TTK: variants seen among roughly 807,000 people sequenced by gnomAD.
TTK encodes TTK protein kinase, also known as dual specificity protein kinase TTK.
TTK carries 59 observed loss-of-function variants against 117.3 expected under a neutral mutation model. That is an observed-to-expected ratio of 0.50 (90% confidence interval 0.41 to 0.62). The LOEUF (loss-of-function observed/expected upper bound fraction) is 0.62. Among genes scored for constraint, TTK ranks in the 20% least tolerant of loss-of-function variants. The probability of loss-of-function intolerance (pLI) is 0.00; values close to 1 mark genes in which losing one functional copy is unlikely to be tolerated. For synonymous variants in TTK, 302 were observed against 325.0 expected (o/e 0.93, Z 0.76); for missense variants, 921 against 989.4 (o/e 0.93, Z 0.93).
chr6:80,018,975 T>A (rs1377776420), intron 10 of TTK, among the ~76,000 whole-genome samples: 1 of 152,224 alleles, frequency 6.6e-6, no homozygotes, highest in African/African-American at 2.4e-5. Context: ...CTCTATTCTG[T>A]TATTATGGCA....
intron 11 of TTK, among the ~76,000 whole-genome samples, chr6:80,023,389 C>G (rs531460842): frequency 2.6e-5 from 4 of 152,122 alleles, no homozygotes; most frequent in Admixed American, 2.0e-4. Context: ...GTCAGGAGAT[C>G]GAGACCATCT....
chr6:80,024,202 G>A (rs996270221), intron 11 of TTK, among the ~76,000 whole-genome samples: 24 of 152,332 alleles, frequency 1.6e-4, no homozygotes, highest in Non-Finnish European at 5.9e-5. Flanking sequence ...GAGTCTGGGA[G>A]TTCTTCAAAA....
At chr6:80,006,814 C>T (rs1767006142) in intron 2 of TTK, among the ~76,000 whole-genome samples, 1 of 151,856 alleles carries the variant, frequency 6.6e-6, no homozygotes, top group Non-Finnish European at 1.5e-5. Flanking sequence ...TAAGGTCAGA[C>T]CAAATTAAAT....
intron 9 of TTK, among the ~76,000 whole-genome samples, chr6:80,013,749 A>G (rs1767230074): frequency 6.6e-6 from 1 of 152,028 alleles, no homozygotes; most frequent in Non-Finnish European, 1.5e-5. Context: ...AAAATGAGAG[A>G]GTAAATTGAG....
chr6:80,022,421 A>C lies in TTK; in HGVS notation c.1206A>C (p.Ala402=), dbSNP rs56270911. ...AGTGTATTAACCAGAATCCTGCTGC[A>C]TCTTCAAATCACTGGCAGATTCCGG... ...KSECINQNPA[A]SSNHWQIPEL... Residue 402 remains alanine, a synonymous_variant, in exon 11 of 22, where the codon GCA becomes GCC. Coordinates refer to ENST00000369798, the MANE Select transcript of TTK (RefSeq NM_003318.5). 2.4e-3 allele frequency: 3,951 copies of C among 1,614,060 alleles called. 8 individuals carry two copies. Among genetic ancestry groups the C allele is most frequent in the Non-Finnish European group, 3.2e-3 (3,731 of 1,179,972 alleles).
chr6:80,042,429 A>G lies in TTK; in HGVS notation c.*227A>G. ...TCTGTTTTATGCTCTTGTGTAATCT[A>G]CTTGACATCATTTTACTCTTGGAAT... On this transcript the variant is annotated 3_prime_UTR_variant, in exon 22 of 22. Transcript: ENST00000369798. 3.4e-6 allele frequency: 1 copy of G among 290,040 alleles called. No individual in the cohort carries two copies. Among genetic ancestry groups the G allele is most frequent in the East Asian group, 5.4e-5 (1 of 18,562 alleles). The allele number at this position is 290,040 out of a possible 1,614,324, so 18.0% of individuals were successfully genotyped here. A position where few individuals can be genotyped will look rare whatever the true frequency, so the allele number is the denominator to read the frequency against.
intron 13 of TTK, among the ~76,000 whole-genome samples, chr6:80,028,610 G>T (rs1441370007): frequency 6.6e-6 from 1 of 152,084 alleles, no homozygotes; most frequent in African/African-American, 2.4e-5. Flanking sequence ...GAGCCACTGC[G>T]CCTGGCCAGC....
At chr6:80,013,410 C>A in intron 9 of TTK, 44 bp downstream of exon 9, 2 of 1,476,038 alleles carry the variant, frequency 1.4e-6, no homozygotes, top group Non-Finnish European at 1.9e-6. Flanking sequence ...GGTTCCTGAT[C>A]TGGGAGGATC....
intron 4 of TTK, among the ~76,000 whole-genome samples, chr6:80,009,111 T>G (rs1399660498): frequency 6.6e-6 from 1 of 152,108 alleles, no homozygotes; most frequent in Non-Finnish European, 1.5e-5. Flanking sequence ...TGGCCATTCC[T>G]TAGTCTTTTC....
intron 10 of TTK, among the ~76,000 whole-genome samples, chr6:80,018,481 G>A (rs1259766276): frequency 3.3e-5 from 5 of 151,678 alleles, no homozygotes; most frequent in African/African-American, 9.7e-5. Context: ...AAAATTAGCC[G>A]GGTGTGGTGG....
chr6:80,035,901 T>G (rs1219718840), intron 16 of TTK, among the ~76,000 whole-genome samples: 1 of 152,088 alleles, frequency 6.6e-6, no homozygotes, highest in African/African-American at 2.4e-5. Context: ...CTTTACCTTA[T>G]CCTATATATT....
At chr6:80,007,744 G>GA in intron 2 of TTK, 65 bp from the exon 3 acceptor site, 3 of 1,368,518 alleles carry the variant, frequency 2.2e-6, no homozygotes, top group Non-Finnish European at 1.0e-6. Flanking sequence ...TATTTTGAAG[G>GA]AAAAATGCAA....
At chr6:80,031,175 A>G (rs887518180) in intron 13 of TTK, among the ~76,000 whole-genome samples, 3 of 151,518 alleles carry the variant, frequency 2.0e-5, no homozygotes, top group Admixed American at 1.3e-4. Flanking sequence ...TTATTTTTAT[A>G]TATATTTTTA....
chr6:80,010,203 G>A (rs1767105018), intron 4 of TTK, among the ~76,000 whole-genome samples: 1 of 151,870 alleles, frequency 6.6e-6, no homozygotes, highest in South Asian at 2.1e-4. Context: ...TTGGTAATCT[G>A]TCCATACTCA....
chr6:80,006,429 A>T (rs1766996115), intron 2 of TTK, among the ~76,000 whole-genome samples: 1 of 152,136 alleles, frequency 6.6e-6, no homozygotes, highest in Non-Finnish European at 1.5e-5. Flanking sequence ...CTTTGAAAAA[A>T]CCTAGAAAAT....
intron 14 of TTK, among the ~76,000 whole-genome samples, chr6:80,034,132 TGC>T (rs1487160794): frequency 1.3e-5 from 2 of 152,150 alleles, no homozygotes; most frequent in Non-Finnish European, 2.9e-5. Context: ...AAAAATCAAA[TGC>T]CTCAAAGAAA....
intron 11 of TTK, among the ~76,000 whole-genome samples, chr6:80,025,504 A>G (rs1767581631): frequency 6.6e-6 from 1 of 152,242 alleles, no homozygotes; most frequent in African/African-American, 2.4e-5. Flanking sequence ...GAACCTCTGT[A>G]GACTAGTGAG....
chr6:80,029,538 A>G (rs1203619859), intron 13 of TTK, among the ~76,000 whole-genome samples: 1 of 152,260 alleles, frequency 6.6e-6, no homozygotes, highest in Admixed American at 6.5e-5. Flanking sequence ...TGCAATCCAG[A>G]AGACGAGTCA....
Position 80,035,428 on chromosome 6 carries a change from G to T in TTK, c.1924+11G>T. ...CAATCCATCAACATGGTATTTAACA[G>T]TTTTTTTATATTTGTAAGGTTAAAA... On this transcript the variant is annotated intron_variant, in intron 16 of 21. Transcript: ENST00000369798. 1 of 1,585,256 alleles carries T rather than the reference G, an allele frequency of 6.3e-7. No individual in the cohort carries two copies. Among genetic ancestry groups the T allele is most frequent in the Non-Finnish European group, 8.5e-7 (1 of 1,170,226 alleles).
Sources: gnomAD v4.1 joint callset for allele counts (sites outside exome capture counted in the v4.1 genomes callset) on GRCh38, gnomAD v4.1.1 for gene constraint, MANE v1.5 for transcripts, NCBI Gene and HGNC (gene_info 2026-07-23, HGNC 2026-07-21) for gene names.